EYA3: variants seen among roughly 807,000 people sequenced by gnomAD.
EYA3 encodes protein phosphatase EYA3.
In EYA3, 39 loss-of-function variants were observed where a neutral mutation model predicts 80.0. The observed-to-expected ratio is 0.49, with a 90% CI of 0.38 to 0.64. The LOEUF (loss-of-function observed/expected upper bound fraction) is 0.64, where lower values mean the gene tolerates loss of function less well. Among genes scored for constraint, EYA3 ranks in the 30% least tolerant of loss-of-function variants. The pLI is 0.00. For synonymous variants in EYA3, 206 were observed against 232.8 expected (o/e 0.88, Z 1.05); for missense variants, 523 against 676.1 (o/e 0.77, Z 2.51).
At chr1:28,058,134 T>TAA in intron 1 of EYA3, 40 bp from the exon 2 acceptor site, 2 of 782,470 alleles carry the variant, frequency 2.6e-6, no homozygotes, top group African/African-American at 3.5e-5. Flanking sequence ...TATACACTCT[T>TAA]AAAGTATTAT....
At chr1:28,026,418 C>T (rs968143764) in intron 7 of EYA3, among the ~76,000 whole-genome samples, 2 of 152,020 alleles carry the variant, frequency 1.3e-5, no homozygotes, top group Non-Finnish European at 2.9e-5. Flanking sequence ...GAGTTCAAGA[C>T]CAGCCTGGGC....
intron 1 of EYA3, among the ~76,000 whole-genome samples, chr1:28,084,571 ATATATATATATATATATATATATATTTTT>A (rs1645552224): frequency 2.1e-4 from 2 of 9,310 alleles, no homozygotes; most frequent in South Asian, 2.8e-3. Flanking sequence ...ATATATATAT[ATATATATATATATATATATATATATTTTT>A]TTTTTTTTTT....
intron 1 of EYA3, among the ~76,000 whole-genome samples, chr1:28,060,792 GA>G (rs1421383263): frequency 1.3e-5 from 2 of 152,164 alleles, no homozygotes; most frequent in African/African-American, 2.4e-5. Flanking sequence ...GAGGCAGGCG[GA>G]TCACAAGGTC....
At chr1:28,049,198 A>G (rs544851997) in intron 2 of EYA3, among the ~76,000 whole-genome samples, 1 of 152,202 alleles carries the variant, frequency 6.6e-6, no homozygotes, top group Admixed American at 6.5e-5. Context: ...GGAATCATAG[A>G]TATTTAATAT....
At chr1:28,005,676 C>T (rs1319489945) in intron 10 of EYA3, among the ~76,000 whole-genome samples, 1 of 151,868 alleles carries the variant, frequency 6.6e-6, no homozygotes, top group East Asian at 1.9e-4. Context: ...GACCACACCA[C>T]TGCACTCCAG....
chr1:28,023,329 A>G (rs766447220), intron 7 of EYA3, among the ~76,000 whole-genome samples: 1 of 152,206 alleles, frequency 6.6e-6, no homozygotes, highest in Non-Finnish European at 1.5e-5. Flanking sequence ...ATTCTACCCT[A>G]AAGAAGGGGC....
chr1:27,985,997 G>A (rs1250432126), intron 16 of EYA3, among the ~76,000 whole-genome samples: 1 of 151,930 alleles, frequency 6.6e-6, no homozygotes, highest in East Asian at 1.9e-4. Context: ...CCTTGTCCTT[G>A]ATGTTTATTT....
At chr1:27,982,587 G>C (rs905534472) in intron 16 of EYA3, among the ~76,000 whole-genome samples, 1 of 150,838 alleles carries the variant, frequency 6.6e-6, no homozygotes, top group Non-Finnish European at 1.5e-5. Context: ...AATGTTTTTT[G>C]TTCATCAGTT....
rs551149589 is a variant in EYA3 at position 28,047,716 on chromosome 1, G to A, written c.77+667C>T. Among the ~76,000 whole-genome samples, 219 of 147,620 alleles carry A rather than the reference G, an allele frequency of 1.5e-3. 1 individual carries two copies. Among genetic ancestry groups the A allele is most frequent in the African/African-American group, 5.0e-3 (200 of 39,884 alleles). ...TGCAGTGGCGCGATCTCAGCTCACC[G>A]CAAGCTCCACCTCCCAGGTTCACAC... is the stretch of plus-strand genomic sequence containing the variant. On this transcript the variant is annotated intron_variant, in intron 3 of 17. Coordinates refer to ENST00000373871, the MANE Select transcript of EYA3 (RefSeq NM_001990.4).
chr1:27,999,945 A>C lies in EYA3; in HGVS notation c.1083+15T>G. On this transcript the variant is annotated intron_variant, in intron 12 of 17. Coordinates refer to ENST00000373871, the MANE Select transcript of EYA3 (RefSeq NM_001990.4). ...AGTGTCTCAGTGAAGCACAGAAACA[A>C]TTTAAAATGCTTACCTCTAAGTCAT... 6.4e-7 allele frequency: 1 copy of C among 1,559,962 alleles called. No homozygotes were observed. Among genetic ancestry groups the C allele is most frequent in the Non-Finnish European group, 8.8e-7 (1 of 1,142,632 alleles).
At chr1:28,034,773 TTAAA>T (rs1236585850) in intron 6 of EYA3, among the ~76,000 whole-genome samples, 2 of 152,208 alleles carry the variant, frequency 1.3e-5, no homozygotes, top group African/African-American at 2.4e-5. Context: ...CGTAGCTTGA[TTAAA>T]TAAAGCCTAT....
At chr1:28,068,240 G>A (rs11247748) in intron 1 of EYA3, among the ~76,000 whole-genome samples, 37,060 of 151,284 alleles carry the variant, frequency 0.24, 4,654 homozygotes, top group Non-Finnish European at 0.28. Flanking sequence ...GCTGAGGCAG[G>A]AGAATCGCTT....
At chr1:28,036,034 C>T (rs1459702087) in intron 5 of EYA3, among the ~76,000 whole-genome samples, 4 of 152,128 alleles carry the variant, frequency 2.6e-5, no homozygotes, top group Admixed American at 6.5e-5. Flanking sequence ...AGGCTGGCCT[C>T]GAACTCCCGA....
chr1:28,038,770 ATAATAT>A, intron 5 of EYA3, 63 bp downstream of exon 5: 1 of 864,810 alleles, frequency 1.2e-6, no homozygotes, highest in Non-Finnish European at 1.8e-6. Flanking sequence ...TAGAGGAAAA[ATAATAT>A]TAAATTTTGC....
At chr1:28,043,913 G>T (rs1375640731) in intron 3 of EYA3, among the ~76,000 whole-genome samples, 1 of 152,124 alleles carries the variant, frequency 6.6e-6, no homozygotes. Context: ...AAACCCTTAA[G>T]ATTCATTCTA....
At chr1:28,067,048 G>C (rs1247695501) in intron 1 of EYA3, among the ~76,000 whole-genome samples, 1 of 152,200 alleles carries the variant, frequency 6.6e-6, no homozygotes, top group African/African-American at 2.4e-5. Context: ...TCTGGGTTAT[G>C]AGAAGATAAA....
intron 11 of EYA3, among the ~76,000 whole-genome samples, chr1:28,003,599 G>T (rs1437127692): frequency 6.6e-6 from 1 of 152,076 alleles, no homozygotes; most frequent in Non-Finnish European, 1.5e-5. Context: ...TTAGAGATGG[G>T]GTCTCGCTAA....
intron 10 of EYA3, among the ~76,000 whole-genome samples, chr1:28,004,699 A>G (rs993888431): frequency 1.3e-5 from 2 of 151,680 alleles, no homozygotes; most frequent in Non-Finnish European, 2.9e-5. Context: ...ATTACATTTT[A>G]CATATATATA....
At chr1:28,026,607 A>C (rs1305150166) in intron 7 of EYA3, among the ~76,000 whole-genome samples, 1 of 152,042 alleles carries the variant, frequency 6.6e-6, no homozygotes, top group Non-Finnish European at 1.5e-5. Context: ...ACAGAGTGAG[A>C]CTCTGTCACA....
Sources: allele counts gnomAD v4.1 joint callset (sites outside exome capture counted in the v4.1 genomes callset), GRCh38; gene constraint gnomAD v4.1.1; transcripts MANE v1.5; gene names NCBI Gene and HGNC (gene_info 2026-07-23, HGNC 2026-07-21).